ABR: variants seen among roughly 807,000 people sequenced by gnomAD.
The protein encoded by ABR is active breakpoint cluster region-related protein.
In ABR, 35 loss-of-function variants were observed where a neutral mutation model predicts 107.2. The ratio of observed to expected loss-of-function variants is 0.33; its 90% CI spans 0.25 to 0.43. ABR has a LOEUF of 0.43. ABR is among the 20% of genes least tolerant of loss of function. The pLI is 1.00. For missense variants in ABR, 815 were observed against 1,115.2 expected (o/e 0.73, Z 3.83); for synonymous variants, 498 against 462.0 (o/e 1.08, Z -1.00).
chr17:1,082,613 T>G (rs1314275208), intron 5 of ABR, among the ~76,000 whole-genome samples: 3 of 152,154 alleles, frequency 2.0e-5, no homozygotes, highest in African/African-American at 7.2e-5. Context: ...CTTACCCTTT[T>G]TGTGTTTATG....
chr17:1,164,904 G>T (rs935591893), intron 1 of ABR, among the ~76,000 whole-genome samples: 3 of 152,276 alleles, frequency 2.0e-5, no homozygotes, highest in African/African-American at 7.2e-5. Context: ...CTGGCCTCAA[G>T]TGATCCTCCT....
chr17:1,029,053 G>T (rs1895750400), intron 16 of ABR, among the ~76,000 whole-genome samples: 1 of 151,816 alleles, frequency 6.6e-6, no homozygotes, highest in South Asian at 2.1e-4. Flanking sequence ...GGGAAGGATG[G>T]GAGGGAGAGG....
At chr17:1,136,204 A>G (rs1395773350) in intron 1 of ABR, among the ~76,000 whole-genome samples, 2 of 151,622 alleles carry the variant, frequency 1.3e-5, no homozygotes, top group Non-Finnish European at 2.9e-5. Flanking sequence ...TGAAAATCTG[A>G]TCTGTTTTGT....
intron 4 of ABR, among the ~76,000 whole-genome samples, chr17:1,085,319 T>C (rs1299257551): frequency 6.6e-6 from 1 of 150,756 alleles, no homozygotes; most frequent in Admixed American, 6.6e-5. Flanking sequence ...GGTTTCACCA[T>C]GTTAGCCAGG....
At chr17:1,178,576 A>AAAAG (rs1555613716) in intron 1 of ABR, among the ~76,000 whole-genome samples, 6 of 150,166 alleles carry the variant, frequency 4.0e-5, no homozygotes, top group African/African-American at 1.5e-4. Flanking sequence ...AAAAAAAAAA[A>AAAAG]AAAGAAAGAA....
At chr17:1,144,720 C>T (rs1000552753) in intron 1 of ABR, among the ~76,000 whole-genome samples, 5 of 151,820 alleles carry the variant, frequency 3.3e-5, no homozygotes, top group Admixed American at 1.3e-4. Flanking sequence ...GGTGAAGCCC[C>T]GTCTCTACTA....
chr17:1,059,316 T>G (rs534463304), intron 10 of ABR, among the ~76,000 whole-genome samples: 2 of 152,170 alleles, frequency 1.3e-5, no homozygotes, highest in Non-Finnish European at 1.5e-5. Flanking sequence ...TGGCCACACT[T>G]TCTTTCCATT....
chr17:1,083,668 G>T, intron 4 of ABR, 41 bp from the exon 5 acceptor site: 314 of 1,159,656 alleles, frequency 2.7e-4, no homozygotes, highest in Non-Finnish European at 3.4e-4. Context: ...AGGAGGGTGG[G>T]AGGGGAGAGG....
chr17:1,096,586 C>T (rs1032324474), intron 3 of ABR, among the ~76,000 whole-genome samples: 1 of 152,210 alleles, frequency 6.6e-6, no homozygotes, highest in Non-Finnish European at 1.5e-5. Context: ...CCTCCTACCA[C>T]AGACCTGGCC....
chr17:1,142,673 G>A (rs535667948), intron 1 of ABR, among the ~76,000 whole-genome samples: 8 of 152,238 alleles, frequency 5.3e-5, no homozygotes, highest in East Asian at 1.9e-4. Context: ...AAGGCTGCCC[G>A]GAAGAGGCAG....
rs117426768 is a variant in ABR at position 1,157,729 on chromosome 17, G to A, written c.61+21938C>T. Among the ~76,000 whole-genome samples the A allele has an allele frequency of 0.013, 2,030 of 152,348 alleles. 23 individuals are homozygous for A. The highest frequency in any genetic ancestry group is 0.051 in the Middle Eastern group (15 of 294). ...AGGCACACCGCTCTCACGCCAATGCGTGCGGACAGCCTGGTGGGATCAGCA... is the reference window on the plus strand; with the variant it reads ...AGGCACACCGCTCTCACGCCAATGCATGCGGACAGCCTGGTGGGATCAGCA... On this transcript the variant is annotated intron_variant, in intron 1 of 22. Coordinates refer to ENST00000302538, the MANE Select transcript of ABR (RefSeq NM_021962.5). The surrounding 1 kb of genome is among the most constrained non-coding windows in gnomAD (Gnocchi z 4.7).
At chr17:1,172,956 C>G (rs538744197) in intron 1 of ABR, among the ~76,000 whole-genome samples, 42 of 128,910 alleles carry the variant, frequency 3.3e-4, no homozygotes, top group African/African-American at 1.0e-3. Flanking sequence ...ATCCACCCCC[C>G]CCATCACCTC....
At chr17:1,086,020 T>C (rs1416631694) in intron 4 of ABR, among the ~76,000 whole-genome samples, 1 of 151,942 alleles carries the variant, frequency 6.6e-6, no homozygotes, top group Non-Finnish European at 1.5e-5. Flanking sequence ...GTGGCACGCA[T>C]CTGTAGTCCC....
chr17:1,016,572 T>C (rs1335586043), intron 16 of ABR, among the ~76,000 whole-genome samples: 5 of 151,982 alleles, frequency 3.3e-5, no homozygotes, highest in African/African-American at 1.2e-4. Context: ...TGCCTCGGCC[T>C]CCCAAAGTGC....
At chr17:1,055,399 T>C (rs944221684) in intron 14 of ABR, 1 of 152,254 alleles carries the variant, frequency 6.6e-6, no homozygotes, top group African/African-American at 2.4e-5. Context: ...TGCCTTTTAG[T>C]GGAGGCCCAG....
intron 14 of ABR, among the ~76,000 whole-genome samples, chr17:1,053,980 G>A (rs1485295935): frequency 1.3e-5 from 2 of 152,208 alleles, no homozygotes; most frequent in African/African-American, 4.8e-5. Flanking sequence ...GCAGCCTGAG[G>A]GACCGTGTGG....
chr17:1,004,984 G>A lies in ABR; in HGVS notation c.*1096C>T. 1 of 399,080 alleles carries A rather than the reference G, an allele frequency of 2.5e-6. No homozygotes were observed. The highest frequency in any genetic ancestry group is 4.4e-6 in the Non-Finnish European group (1 of 226,228). The allele number at this position is 399,080 out of a possible 1,614,324, so 24.7% of individuals were successfully genotyped here. A position where few individuals can be genotyped will look rare whatever the true frequency, so the allele number is the denominator to read the frequency against. The stretch of plus-strand genomic sequence containing the variant: ...CTGCAGCCTACCTGCCTGGACACCT[G>A]CTTCGGCCACATCAGTCACCCTCCA... On this transcript the variant is annotated 3_prime_UTR_variant, in exon 23 of 23. Transcript: ENST00000302538.
intron 16 of ABR, among the ~76,000 whole-genome samples, chr17:1,047,586 A>G (rs2031822313): frequency 6.6e-6 from 1 of 152,196 alleles, no homozygotes; most frequent in Non-Finnish European, 1.5e-5. Flanking sequence ...TCTGGCTCTG[A>G]ACTGTCCGCT....
In ABR at chr17:1,176,932, G is replaced by A. The variant is rs138888550; in HGVS notation, c.61+2735C>T. Among the ~76,000 whole-genome samples, 204 of 151,412 alleles carry A rather than the reference G, an allele frequency of 1.3e-3. 1 individual carries two copies. The highest frequency in any genetic ancestry group is 3.5e-3 in the Middle Eastern group (1 of 284). On this transcript the variant is annotated intron_variant, in intron 1 of 22. Coordinates refer to ENST00000302538, the MANE Select transcript of ABR (RefSeq NM_021962.5). ...CTATCCCAGTGCCTGCCATACAGTAGGTGCTCAGGAGACGCTATTATCATT... is the reference window on the plus strand; with the variant it reads ...CTATCCCAGTGCCTGCCATACAGTAAGTGCTCAGGAGACGCTATTATCATT...
Sources: allele counts gnomAD v4.1 joint callset (sites outside exome capture counted in the v4.1 genomes callset), GRCh38; gene constraint gnomAD v4.1.1; non-coding constraint Gnocchi (gnomAD v3.1); transcripts MANE v1.5; gene names NCBI Gene and HGNC (gene_info 2026-07-23, HGNC 2026-07-21).